Variants in GCSAML observed in about 807,000 individuals in gnomAD.
GCSAML encodes the protein germinal center-associated signaling and motility-like protein.
In GCSAML, 9 loss-of-function variants were observed where a neutral mutation model predicts 13.0. The observed-to-expected ratio is 0.69, with a 90% CI of 0.42 to 1.21. The LOEUF (loss-of-function observed/expected upper bound fraction) is 1.21. GCSAML is among the 50% of genes most tolerant of loss of function. GCSAML has a pLI of 0.00. For synonymous variants in GCSAML, 37 were observed against 52.9 expected (o/e 0.70, Z 1.31); for missense variants, 143 against 153.4 (o/e 0.93, Z 0.36).
intron 2 of GCSAML, among the ~76,000 whole-genome samples, chr1:247,560,592 AT>A (rs544246038): frequency 1.1e-3 from 169 of 151,966 alleles, no homozygotes; most frequent in South Asian, 2.7e-3. Context: ...CTTTATTTTA[AT>A]TTTTTTTCTC....
At chr1:247,532,870 TG>T (rs759293458) in intron 2 of GCSAML, among the ~76,000 whole-genome samples, 19 of 51,692 alleles carry the variant, frequency 3.7e-4, no homozygotes, top group African/African-American at 1.3e-3. Context: ...AATAAAAGAC[TG>T]GGTGGGGGGT....
intron 2 of GCSAML, among the ~76,000 whole-genome samples, chr1:247,560,908 T>A (rs56086726): frequency 0.14 from 21,105 of 152,196 alleles, 2,433 homozygotes; most frequent in African/African-American, 0.31. Flanking sequence ...TTTATGACTT[T>A]TCTCTCATTC....
At chr1:247,562,105 C>T (rs988735436) in intron 2 of GCSAML, among the ~76,000 whole-genome samples, 1 of 152,104 alleles carries the variant, frequency 6.6e-6, no homozygotes, top group Non-Finnish European at 1.5e-5. Flanking sequence ...TTTGTTTGGC[C>T]TAAAAAGCTG....
intron 4 of GCSAML, among the ~76,000 whole-genome samples, chr1:247,567,349 C>T (rs559545760): frequency 5.3e-5 from 8 of 151,952 alleles, no homozygotes; most frequent in Admixed American, 5.2e-4. Flanking sequence ...CCCAACAGGC[C>T]CGGGTGTGTG....
chr1:247,574,086 A>G, intron 4 of GCSAML, 57 bp from the exon 5 acceptor site: 3 of 1,596,170 alleles, frequency 1.9e-6, no homozygotes, highest in East Asian at 2.2e-5. Context: ...TAGTACACTG[A>G]GTTCAATTTA....
chr1:247,556,350 T>G, intron 1 of GCSAML, 57 bp from the exon 2 acceptor site: 4 of 1,235,334 alleles, frequency 3.2e-6, no homozygotes, highest in Non-Finnish European at 4.7e-6. Context: ...GAGAAGAAGG[T>G]GAAAAAATGT....
At chr1:247,543,181 C>T (rs1357662117) in intron 2 of GCSAML, among the ~76,000 whole-genome samples, 1 of 152,162 alleles carries the variant, frequency 6.6e-6, no homozygotes, top group Non-Finnish European at 1.5e-5. Context: ...TACAGTATGT[C>T]TTTCAATTGG....
intron 2 of GCSAML, 106 bp downstream of exon 2, chr1:247,556,572 C>T (rs752317387): frequency 5.8e-5 from 42 of 723,948 alleles, no homozygotes; most frequent in African/African-American, 3.6e-4. Flanking sequence ...CCCTTAGGGC[C>T]GCTATAATAG....
chr1:247,559,910 C>T (rs1316245649), intron 2 of GCSAML, among the ~76,000 whole-genome samples: 3 of 152,162 alleles, frequency 2.0e-5, no homozygotes, highest in Non-Finnish European at 2.9e-5. Flanking sequence ...AATTTAATTA[C>T]CTGTGTTAAG....
At chr1:247,569,405 C>T (rs1176761354) in intron 4 of GCSAML, among the ~76,000 whole-genome samples, 13 of 151,958 alleles carry the variant, frequency 8.6e-5, no homozygotes, top group Non-Finnish European at 1.9e-4. Flanking sequence ...ATTGAGTGTT[C>T]TTAGCATGAA....
intron 1 of GCSAML, among the ~76,000 whole-genome samples, chr1:247,521,352 C>G (rs1666413479): frequency 9.2e-6 from 1 of 108,724 alleles, no homozygotes; most frequent in South Asian, 4.0e-4. Flanking sequence ...CACGGTCTCC[C>G]TCTCCCTCTC....
At chr1:247,536,022 G>C (rs1029571925) in intron 2 of GCSAML, 1 of 152,088 alleles carries the variant, frequency 6.6e-6, no homozygotes, top group Non-Finnish European at 1.5e-5. Context: ...AATATCAAAG[G>C]CCACATGAGG....
chr1:247,511,754 C>T (rs1666045810), intron 1 of GCSAML, among the ~76,000 whole-genome samples: 1 of 152,164 alleles, frequency 6.6e-6, no homozygotes, highest in Non-Finnish European at 1.5e-5. Flanking sequence ...TTTATTTCTC[C>T]TTCACTTATG....
At chr1:247,532,820 G>A (rs11582603) in intron 2 of GCSAML, among the ~76,000 whole-genome samples, 16,878 of 151,900 alleles carry the variant, frequency 0.11, 1,222 homozygotes, top group Non-Finnish European at 0.16. Flanking sequence ...CTACGTGGAT[G>A]GCATTGCATT....
intron 1 of GCSAML, among the ~76,000 whole-genome samples, chr1:247,553,393 C>T (rs1362956749): frequency 1.3e-5 from 2 of 151,060 alleles, no homozygotes; most frequent in African/African-American, 4.9e-5. Context: ...TTTTTTTGTT[C>T]CTTACAAGTC....
At chr1:247,561,296 G>C (rs1668118371) in intron 2 of GCSAML, among the ~76,000 whole-genome samples, 1 of 152,084 alleles carries the variant, frequency 6.6e-6, no homozygotes, top group South Asian at 2.1e-4. Flanking sequence ...TATTTGGGGG[G>C]TACATGTGAT....
chr1:247,519,141 T>C (rs1001489657), intron 1 of GCSAML: 1 of 152,260 alleles, frequency 6.6e-6, no homozygotes, highest in Admixed American at 6.5e-5. Context: ...GTTCTCTCTT[T>C]CAGGGGTCTC....
At chr1:247,532,500 T>C in intron 2 of GCSAML, 1 of 1,613,538 alleles carries the variant, frequency 6.2e-7, no homozygotes, top group Non-Finnish European at 8.5e-7. Flanking sequence ...TCACATTGGC[T>C]ATTTCCATCA....
intron 1 of GCSAML, among the ~76,000 whole-genome samples, chr1:247,509,226 C>A (rs1665928563): frequency 6.6e-6 from 1 of 152,120 alleles, no homozygotes; most frequent in South Asian, 2.1e-4. Context: ...CTTCACATCT[C>A]TTCTAAGTTG....
Sources: gnomAD v4.1 joint callset for allele counts (sites outside exome capture counted in the v4.1 genomes callset) on GRCh38, gnomAD v4.1.1 for gene constraint, MANE v1.5 for transcripts, NCBI Gene and HGNC (gene_info 2026-07-23, HGNC 2026-07-21) for gene names.